CHST9: variants seen among roughly 807,000 people sequenced by gnomAD.
CHST9 encodes carbohydrate sulfotransferase 9.
CHST9 carries 41 observed loss-of-function variants against 44.4 expected under a neutral mutation model. The observed-to-expected ratio is 0.92, with a 90% confidence interval of 0.72 to 1.20. The LOEUF is 1.20. Among genes scored for constraint, CHST9 ranks in the 50% most tolerant of loss-of-function variants. CHST9 has a pLI of 0.00. For missense variants in CHST9, 504 were observed against 516.5 expected, an observed-to-expected ratio of 0.98 and a Z score of 0.23; for synonymous variants, 171 against 178.4, an observed-to-expected ratio of 0.96 and a Z score of 0.33.
chr18:27,165,342 G>A (rs937845935), intron 1 of CHST9, among the ~76,000 whole-genome samples: 2 of 152,124 alleles, frequency 1.3e-5, no homozygotes, highest in Admixed American at 6.5e-5. Context: ...CAGCTAAATC[G>A]TGGATAACAT....
intron 4 of CHST9, among the ~76,000 whole-genome samples, chr18:27,017,604 G>C (rs1416198176): frequency 6.6e-6 from 1 of 152,162 alleles, no homozygotes; most frequent in African/African-American, 2.4e-5. Context: ...AGAGAAGGTA[G>C]AAGAAGGGTA....
chr18:27,110,995 A>T (rs2058266110), intron 2 of CHST9, among the ~76,000 whole-genome samples: 1 of 152,234 alleles, frequency 6.6e-6, no homozygotes, highest in Non-Finnish European at 1.5e-5. Context: ...ACTTCCACTG[A>T]TCGTCCTGGA....
Position 26,912,011 on chromosome 18 carries a change from A to G in CHST9, c.*4248T>C, listed in dbSNP as rs1210207546. 1.6e-4 allele frequency: 25 copies of G among 152,178 alleles called. No individual in the cohort carries two copies. The highest frequency in any genetic ancestry group is 3.4e-4 in the Non-Finnish European group (23 of 68,044). The allele number at this position is 152,178 out of a possible 1,614,324, so 9.4% of individuals were successfully genotyped here. Reference sequence around the variant, plus strand: ...AATGCACAGTTGCTCTGTTTCTAGCAGGAGTGGTTCTCACTGTGTGTGACT... The same window carrying G: ...AATGCACAGTTGCTCTGTTTCTAGCGGGAGTGGTTCTCACTGTGTGTGACT... On this transcript the variant is annotated 3_prime_UTR_variant, in exon 6 of 6. Coordinates refer to ENST00000618847, the MANE Select transcript of CHST9 (RefSeq NM_031422.6).
chr18:27,051,736 C>T (rs2057569553), intron 2 of CHST9, among the ~76,000 whole-genome samples: 1 of 152,204 alleles, frequency 6.6e-6, no homozygotes, highest in Admixed American at 6.5e-5. Flanking sequence ...ATTCCAGAGT[C>T]CCCTACAGAA....
chr18:27,156,250 G>GTT (rs2058697960), intron 1 of CHST9, among the ~76,000 whole-genome samples: 1 of 151,890 alleles, frequency 6.6e-6, no homozygotes, highest in African/African-American at 2.4e-5. Flanking sequence ...GGACCAAAGG[G>GTT]TTCTGAAGAA....
chr18:27,146,983 T>C (rs951450984), intron 1 of CHST9, among the ~76,000 whole-genome samples: 7 of 152,220 alleles, frequency 4.6e-5, no homozygotes, highest in African/African-American at 1.7e-4. Flanking sequence ...TTTTGGGACT[T>C]AAGTATAGCA....
At chr18:27,045,488 C>A (rs192594894) in intron 3 of CHST9, among the ~76,000 whole-genome samples, 1 of 151,860 alleles carries the variant, frequency 6.6e-6, no homozygotes, top group Non-Finnish European at 1.5e-5. Context: ...AATAGCTGAT[C>A]TTTTTAAAAA....
intron 2 of CHST9, among the ~76,000 whole-genome samples, chr18:27,128,461 G>A (rs934462348): frequency 2.0e-5 from 3 of 152,028 alleles, no homozygotes; most frequent in African/African-American, 7.2e-5. Flanking sequence ...GTAGAGACGG[G>A]GTTTCACCAT....
At chr18:27,082,025 C>T (rs1179017127) in intron 2 of CHST9, among the ~76,000 whole-genome samples, 1 of 152,166 alleles carries the variant, frequency 6.6e-6, no homozygotes, top group Non-Finnish European at 1.5e-5. Context: ...AATGTTTCCC[C>T]TGAGGGTAAG....
chr18:27,171,655 C>T (rs1214031447), intron 1 of CHST9, among the ~76,000 whole-genome samples: 3 of 151,978 alleles, frequency 2.0e-5, no homozygotes, highest in Non-Finnish European at 2.9e-5. Flanking sequence ...TATTTTACCA[C>T]GAAAGTGTTT....
intron 1 of CHST9, among the ~76,000 whole-genome samples, chr18:27,145,295 G>A (rs1458059752): frequency 2.0e-5 from 3 of 152,104 alleles, no homozygotes; most frequent in Non-Finnish European, 2.9e-5. Flanking sequence ...AGGTTCAAGC[G>A]ATTTTCCTGC....
At chr18:27,168,450 G>A (rs896706156) in intron 1 of CHST9, among the ~76,000 whole-genome samples, 1 of 152,154 alleles carries the variant, frequency 6.6e-6, no homozygotes, top group African/African-American at 2.4e-5. Flanking sequence ...TTAGGAAGGA[G>A]GCTGTTTTAA....
chr18:27,174,297 A>G (rs557200328), intron 1 of CHST9, among the ~76,000 whole-genome samples: 3 of 151,940 alleles, frequency 2.0e-5, no homozygotes, highest in Non-Finnish European at 2.9e-5. Flanking sequence ...TGAAGTGTCC[A>G]GGTTAGTTGT....
chr18:27,171,382 T>A (rs1038073926), intron 1 of CHST9, among the ~76,000 whole-genome samples: 2 of 152,140 alleles, frequency 1.3e-5, no homozygotes, highest in African/African-American at 4.8e-5. Flanking sequence ...TGAAATCTAT[T>A]TATTCACAAA....
intron 2 of CHST9, among the ~76,000 whole-genome samples, chr18:27,118,024 C>T (rs1282333214): frequency 6.6e-6 from 1 of 152,170 alleles, no homozygotes; most frequent in African/African-American, 2.4e-5. Context: ...AATGAGACAG[C>T]TACAATTGTT....
At chr18:27,059,958 CT>C (rs1459995589) in intron 2 of CHST9, among the ~76,000 whole-genome samples, 1 of 152,172 alleles carries the variant, frequency 6.6e-6, no homozygotes, top group East Asian at 1.9e-4. Context: ...GCTTTCAGGC[CT>C]TTACAGGCTA....
intron 1 of CHST9, among the ~76,000 whole-genome samples, chr18:27,145,303 T>C (rs1419466675): frequency 1.3e-5 from 2 of 152,178 alleles, no homozygotes; most frequent in Non-Finnish European, 2.9e-5. Context: ...GCGATTTTCC[T>C]GCCTCAGCCT....
At chr18:26,990,657 C>T (rs1438084453) in intron 4 of CHST9, among the ~76,000 whole-genome samples, 1 of 152,158 alleles carries the variant, frequency 6.6e-6, no homozygotes, top group African/African-American at 2.4e-5. Context: ...GCTGTGTCTT[C>T]CCTGCAAGAC....
chr18:26,940,665 G>C (rs552773433), intron 5 of CHST9, among the ~76,000 whole-genome samples: 1 of 152,186 alleles, frequency 6.6e-6, no homozygotes, highest in Non-Finnish European at 1.5e-5. Flanking sequence ...GATCCCATCA[G>C]AAGTGCCCAG....
Sources: allele counts gnomAD v4.1 joint callset (sites outside exome capture counted in the v4.1 genomes callset), GRCh38; gene constraint gnomAD v4.1.1; transcripts MANE v1.5; gene names NCBI Gene and HGNC (gene_info 2026-07-23, HGNC 2026-07-21).